The following SUGCT variants were observed in gnomAD, a reference collection of about 807,000 sequenced individuals.
SUGCT encodes the protein succinyl-CoA:glutarate CoA-transferase.
In SUGCT, 41 loss-of-function variants were observed where a neutral mutation model predicts 55.0. The observed-to-expected ratio is 0.74, with a 90% CI of 0.58 to 0.97. The LOEUF is 0.97. Among genes scored for constraint, SUGCT ranks in the 50% least tolerant of loss-of-function variants. SUGCT has a pLI of 0.00. For synonymous variants in SUGCT, 187 were observed against 200.4 expected (o/e 0.93, Z 0.56); for missense variants, 568 against 547.8 (o/e 1.04, Z -0.37).
chr7:40,861,262 G>T (rs1794479575), downstream of SUGCT, among the ~76,000 whole-genome samples: 1 of 152,152 alleles, frequency 6.6e-6, no homozygotes, highest in African/African-American at 2.4e-5. Flanking sequence ...AATTAAACAG[G>T]TTCTTAAATG....
intron 12 of SUGCT, among the ~76,000 whole-genome samples, chr7:40,727,179 G>A (rs919499678): frequency 8.6e-5 from 13 of 152,040 alleles, no homozygotes; most frequent in Admixed American, 7.9e-4. Flanking sequence ...GCCTTTCACG[G>A]TACACTTTTC....
At chr7:40,890,396 T>C in the SUGCT span, among the ~76,000 whole-genome samples, 3 of 150,910 alleles carry the variant, frequency 2.0e-5, no homozygotes, top group Admixed American at 6.6e-5. Context: ...CTTTCACCCT[T>C]GTGGACCCAG....
intron 12 of SUGCT, among the ~76,000 whole-genome samples, chr7:40,747,259 A>G (rs1787781215): frequency 6.6e-6 from 1 of 152,190 alleles, no homozygotes; most frequent in African/African-American, 2.4e-5. Flanking sequence ...AGTGGTAACC[A>G]TTCCCAAAGA....
chr7:40,843,241 G>A (rs4723981), intron 13 of SUGCT, among the ~76,000 whole-genome samples: 5,493 of 152,252 alleles, frequency 0.036, 255 homozygotes, highest in East Asian at 0.1. Context: ...GCTGGGCGTG[G>A]TGGCTCACGC....
chr7:40,577,083 C>T (rs1349281164), intron 12 of SUGCT, among the ~76,000 whole-genome samples: 1 of 152,204 alleles, frequency 6.6e-6, no homozygotes, highest in African/African-American at 2.4e-5. Context: ...TTTAATAAGA[C>T]CTGTATGTCA....
intron 11 of SUGCT, among the ~76,000 whole-genome samples, chr7:40,478,105 G>A (rs1790807091): frequency 6.6e-6 from 1 of 152,118 alleles, no homozygotes; most frequent in Admixed American, 6.6e-5. Flanking sequence ...GGATCCTCCT[G>A]CCTAAGCCTC....
chr7:41,017,492 C>T, the SUGCT span, among the ~76,000 whole-genome samples: 13 of 151,948 alleles, frequency 8.6e-5, no homozygotes, highest in East Asian at 5.8e-4. Flanking sequence ...CACTGGAGGC[C>T]GGGTGCGGTG....
chr7:40,211,680 A>G (rs1182125351), intron 6 of SUGCT, among the ~76,000 whole-genome samples: 3 of 152,198 alleles, frequency 2.0e-5, no homozygotes, highest in Non-Finnish European at 4.4e-5. Context: ...TCAGATGAAG[A>G]TGGTGGAGAG....
chr7:40,812,611 CTCT>C (rs1791481355), intron 13 of SUGCT, among the ~76,000 whole-genome samples: 1 of 151,968 alleles, frequency 6.6e-6, no homozygotes, highest in Non-Finnish European at 1.5e-5. Context: ...TGGATCTTCT[CTCT>C]TTTTTTTGTT....
At chr7:40,275,132 A>G (rs1022482719) in intron 8 of SUGCT, among the ~76,000 whole-genome samples, 1 of 152,152 alleles carries the variant, frequency 6.6e-6, no homozygotes, top group African/African-American at 2.4e-5. Context: ...AAATACACGG[A>G]CCATGAAGAT....
intron 5 of SUGCT, among the ~76,000 whole-genome samples, chr7:40,193,132 A>G (rs1053061174): frequency 1.3e-5 from 2 of 150,986 alleles, no homozygotes; most frequent in Non-Finnish European, 3.0e-5. Context: ...ATGCCTGGCT[A>G]ATTTTTAAAT....
downstream of SUGCT, among the ~76,000 whole-genome samples, chr7:40,864,200 A>G (rs1794540957): frequency 6.6e-6 from 1 of 152,138 alleles, no homozygotes; most frequent in African/African-American, 2.4e-5. Flanking sequence ...TCTGTTGTCC[A>G]GACTGGAGTG....
At chr7:40,770,642 C>G (rs1160726961) in intron 13 of SUGCT, among the ~76,000 whole-genome samples, 2 of 152,128 alleles carry the variant, frequency 1.3e-5, no homozygotes, top group Non-Finnish European at 2.9e-5. Context: ...AGTTTTTATC[C>G]TGGTGATGAA....
intron 13 of SUGCT, among the ~76,000 whole-genome samples, chr7:40,789,506 C>T (rs1348575760): frequency 1.3e-5 from 2 of 152,206 alleles, no homozygotes; most frequent in East Asian, 3.9e-4. Context: ...TATATATATA[C>T]ATTTTATTAA....
At chr7:40,466,994 G>T (rs1483723658) in intron 11 of SUGCT, among the ~76,000 whole-genome samples, 1 of 152,074 alleles carries the variant, frequency 6.6e-6, no homozygotes, top group African/African-American at 2.4e-5. Flanking sequence ...ATGAGGTCAG[G>T]AGATCGAGAC....
intron 9 of SUGCT, among the ~76,000 whole-genome samples, chr7:40,329,899 T>C (rs1307513619): frequency 6.6e-6 from 1 of 152,206 alleles, no homozygotes; most frequent in East Asian, 1.9e-4. Context: ...AAAACTATCA[T>C]TCTCTATGGT....
At chr7:40,689,683 C>T (rs1381804178) in intron 12 of SUGCT, among the ~76,000 whole-genome samples, 1 of 151,902 alleles carries the variant, frequency 6.6e-6, no homozygotes, top group Non-Finnish European at 1.5e-5. Flanking sequence ...TATAAACAGA[C>T]CACGTCTGTT....
chr7:40,544,731 G>A (rs1378168048), intron 12 of SUGCT, among the ~76,000 whole-genome samples: 1 of 152,098 alleles, frequency 6.6e-6, no homozygotes, highest in Non-Finnish European at 1.5e-5. Context: ...ATTGGTAGTA[G>A]CCAGCAGTTT....
intron 10 of SUGCT, among the ~76,000 whole-genome samples, chr7:40,458,229 G>T (rs1008586526): frequency 6.6e-6 from 1 of 152,170 alleles, no homozygotes; most frequent in Non-Finnish European, 1.5e-5. Context: ...TCTGTAGGCC[G>T]CATGGCCTGC....
Sources: allele counts gnomAD v4.1 joint callset (sites outside exome capture counted in the v4.1 genomes callset), GRCh38; gene constraint gnomAD v4.1.1; transcripts MANE v1.5; gene names NCBI Gene and HGNC (gene_info 2026-07-23, HGNC 2026-07-21).